The following PSD2 variants were observed in gnomAD, a reference collection of about 807,000 sequenced individuals.
PSD2 encodes PH and SEC7 domain-containing protein 2.
A neutral mutation model predicts 69.8 loss-of-function variants in PSD2; 38 were observed. The observed-to-expected ratio is 0.54, with a 90% confidence interval of 0.42 to 0.71. PSD2 has a LOEUF of 0.71. PSD2 is among the 30% of genes least tolerant of loss of function. PSD2 has a pLI of 0.00. For synonymous variants in PSD2, 412 were observed against 423.0 expected (o/e 0.97, Z 0.32); for missense variants, 943 against 1,014.5 (o/e 0.93, Z 0.96).
chr5:139,793,977 A>T (rs939830499), upstream of PSD2, among the ~76,000 whole-genome samples: 2 of 152,162 alleles, frequency 1.3e-5, no homozygotes, highest in Admixed American at 1.3e-4. Flanking sequence ...TGCCATGAGC[A>T]CTTCCCTCCA....
chr5:139,836,767 C>T (rs377188820), intron 9 of PSD2, 44 bp from the exon 10 acceptor site: 98 of 1,575,778 alleles, frequency 6.2e-5, no homozygotes, highest in Non-Finnish European at 8.2e-5. Flanking sequence ...GATGCGGGGC[C>T]GAGGCCTCCC....
At chr5:139,756,039 G>A in the PSD2 span, among the ~76,000 whole-genome samples, 1 of 152,128 alleles carries the variant, frequency 6.6e-6, no homozygotes, top group South Asian at 2.1e-4. Flanking sequence ...CCGCCCTCCC[G>A]CGCCCCGCCA....
At chr5:139,768,358 G>A in the PSD2 span, among the ~76,000 whole-genome samples, 1 of 152,212 alleles carries the variant, frequency 6.6e-6, no homozygotes, top group Non-Finnish European at 1.5e-5. Context: ...TAGTGGGGGA[G>A]AGGAGGGCAT....
intron 1 of PSD2, among the ~76,000 whole-genome samples, chr5:139,801,330 C>A (rs778120952): frequency 6.6e-6 from 1 of 152,142 alleles, no homozygotes; most frequent in South Asian, 2.1e-4. Context: ...GGCTCCACTC[C>A]GCTGACCTCT....
Position 139,843,515 on chromosome 5 carries a change from G to T in PSD2, c.*1041G>T, listed in dbSNP as rs1760928322. ...AGCTCCAGAGGTGGCCTCTTGGACA[G>T]ATCTACTGCTATAGGAATAAAAGAC... On this transcript the variant is annotated 3_prime_UTR_variant, in exon 15 of 15. Transcript: ENST00000274710. The T allele has an allele frequency of 6.6e-6, 1 of 152,230 alleles. No homozygotes were observed. The highest frequency in any genetic ancestry group is 6.5e-5 in the Admixed American group (1 of 15,284). The allele number at this position is 152,230 out of a possible 1,614,324, so 9.4% of individuals were successfully genotyped here.
At chr5:139,796,694 G>C (rs773981286) in intron 1 of PSD2, among the ~76,000 whole-genome samples, 3 of 152,218 alleles carry the variant, frequency 2.0e-5, no homozygotes, top group Non-Finnish European at 4.4e-5. Flanking sequence ...GTATTCAGCT[G>C]TTCCTAGAGG....
chr5:139,807,592 A>G (rs560206864), intron 1 of PSD2, among the ~76,000 whole-genome samples: 1 of 151,862 alleles, frequency 6.6e-6, no homozygotes, highest in Non-Finnish European at 1.5e-5. Context: ...CTTTTTTTTT[A>G]AAGTAAAAGT....
At position 139,837,064 on chromosome 5, in the gene PSD2, C is replaced by T; in HGVS notation, c.1594+63C>T. On this transcript the variant is annotated intron_variant, in intron 10 of 14. Coordinates refer to ENST00000274710, the MANE Select transcript of PSD2 (RefSeq NM_032289.4). The surrounding 1 kb of genome is among the most constrained non-coding windows in gnomAD (Gnocchi z 5.0). ...CTGGCACAGAGGGGGGCGCCACGGG[C>T]CACTCTTTGGGGACGAACATACAGG... 1 of 1,593,538 alleles carries T rather than the reference C, an allele frequency of 6.3e-7. No homozygotes were observed. Among genetic ancestry groups the T allele is most frequent in the South Asian group, 1.1e-5 (1 of 88,682 alleles).
the PSD2 span, among the ~76,000 whole-genome samples, chr5:139,770,585 CAAAA>C: frequency 6.6e-6 from 1 of 151,972 alleles, no homozygotes; most frequent in South Asian, 2.1e-4. Context: ...AACAAACAAA[CAAAA>C]AAACATGAAT....
At position 139,837,808 on chromosome 5, in the gene PSD2, TC is replaced by T; in HGVS notation, c.1823+29del. ...GTGAGTAGGAGCTGGAGCCCTTCAC[TC>T]CCACCTGGGGCCCAGGGCCACAGTG... On this transcript the variant is annotated intron_variant, in intron 12 of 14. Coordinates refer to ENST00000274710, the MANE Select transcript of PSD2 (RefSeq NM_032289.4). The surrounding 1 kb of genome is among the most constrained non-coding windows in gnomAD (Gnocchi z 5.0). 2.5e-6 allele frequency: 4 copies of T among 1,591,576 alleles called. No individual in the cohort carries two copies. The highest frequency in any genetic ancestry group is 3.4e-6 in the Non-Finnish European group (4 of 1,164,468).
At chr5:139,787,466 G>T in the PSD2 span, among the ~76,000 whole-genome samples, 5 of 152,244 alleles carry the variant, frequency 3.3e-5, no homozygotes, top group African/African-American at 9.6e-5. Flanking sequence ...TCATAGGAGT[G>T]CTGTAAGGGT....
Position 139,809,404 on chromosome 5 carries a change from C to T in PSD2, c.-37C>T. On this transcript the variant is annotated 5_prime_UTR_variant, in exon 2 of 15. Coordinates refer to ENST00000274710, the MANE Select transcript of PSD2 (RefSeq NM_032289.4). ...ACCCACTGCCAGGTCTAGAGGAGTC[C>T]CAGGAGCAGCCAGGACAGGCGGAAG... The T allele has an allele frequency of 1.3e-6, 2 of 1,595,530 alleles. No homozygotes were observed. Among genetic ancestry groups the T allele is most frequent in the East Asian group, 2.2e-5 (1 of 44,570 alleles).
chr5:139,820,690 C>A (rs1385205310), intron 5 of PSD2, among the ~76,000 whole-genome samples: 1 of 152,218 alleles, frequency 6.6e-6, no homozygotes, highest in Admixed American at 6.5e-5. Flanking sequence ...CTGTAATCTC[C>A]CTTCCCAAGG....
chr5:139,758,661 C>T, the PSD2 span, among the ~76,000 whole-genome samples: 2 of 152,058 alleles, frequency 1.3e-5, no homozygotes, highest in African/African-American at 2.4e-5. Context: ...TCCCTGCGTC[C>T]GGGAACTAGA....
intron 2 of PSD2, among the ~76,000 whole-genome samples, chr5:139,810,903 G>T (rs973924726): frequency 2.0e-5 from 3 of 152,066 alleles, no homozygotes; most frequent in Non-Finnish European, 2.9e-5. Flanking sequence ...TTGGACTGAT[G>T]GTCTTCAAGC....
At chr5:139,746,405 C>T in the PSD2 span, among the ~76,000 whole-genome samples, 1 of 152,226 alleles carries the variant, frequency 6.6e-6, no homozygotes, top group Non-Finnish European at 1.5e-5. This position sits in a 1 kb window ranked among gnomAD's most constrained non-coding sequence, Gnocchi z 4.5. Context: ...TGGCCTCGCG[C>T]GCCCTGCAGA....
chr5:139,805,375 G>C (rs1759779759), intron 1 of PSD2, among the ~76,000 whole-genome samples: 1 of 152,184 alleles, frequency 6.6e-6, no homozygotes, highest in Non-Finnish European at 1.5e-5. Context: ...CTTAGCCTCT[G>C]CCACAAATAG....
chr5:139,779,705 C>T, the PSD2 span, among the ~76,000 whole-genome samples: 2 of 152,186 alleles, frequency 1.3e-5, no homozygotes, highest in African/African-American at 4.8e-5. Flanking sequence ...CCGGTTGCCC[C>T]CATTGTTCTG....
chr5:139,744,333 C>T, the PSD2 span, among the ~76,000 whole-genome samples: 1 of 152,172 alleles, frequency 6.6e-6, no homozygotes, highest in East Asian at 1.9e-4. Flanking sequence ...TCCAATCCTT[C>T]CCAGGTTCAG....
Sources: allele counts gnomAD v4.1 joint callset (sites outside exome capture counted in the v4.1 genomes callset), GRCh38; gene constraint gnomAD v4.1.1; non-coding constraint Gnocchi (gnomAD v3.1); transcripts MANE v1.5; gene names NCBI Gene and HGNC (gene_info 2026-07-23, HGNC 2026-07-21).